Variants in RYR2 observed in about 807,000 individuals in gnomAD.
RYR2 encodes the protein cardiac muscle ryanodine receptor-calcium release channel.
Under a neutral mutation model 601.1 loss-of-function variants are expected in RYR2, and 227 were observed. The ratio of observed to expected loss-of-function variants is 0.38; its 90% CI spans 0.34 to 0.42. RYR2 has a LOEUF of 0.42. Among genes scored for constraint, RYR2 ranks in the 10% least tolerant of loss-of-function variants. The probability of loss-of-function intolerance (pLI) is 1.00; values close to 1 mark genes in which losing one functional copy is unlikely to be tolerated. For missense variants in RYR2, 4,646 were observed against 6,156.5 expected, an observed-to-expected ratio of 0.75 and a Z score of 8.21; for synonymous variants, 2,223 against 2,175.1, an observed-to-expected ratio of 1.02 and a Z score of -0.61.
chr1:237,500,532 C>T (rs1267364261), intron 20 of RYR2, among the ~76,000 whole-genome samples, 179 bp from the exon 21 acceptor site: 1 of 152,134 alleles, frequency 6.6e-6, no homozygotes, highest in East Asian at 1.9e-4. Flanking sequence ...CTGAAATAAT[C>T]TTTTTATTTT....
chr1:237,614,691 G>A lies in RYR2; in HGVS notation c.5563G>A (p.Ala1855Thr). ...LIEPSVFKEA[A>T]TPEEESDTLE... is the part of the protein sequence containing the mutation. ...TGAGCCCAGTGTGTTTAAAGAAGCT[G>A]CCACTCCGGAGGAGGAGAGTGACAC... The change falls in exon 37 of 105, where the codon GCC (alanine) becomes ACC (threonine). Residue 1855 changes from alanine (A) to threonine (T), a missense_variant. By Grantham distance (58) the Ala-to-Thr change is moderately conservative. Coordinates refer to ENST00000366574, the MANE Select transcript of RYR2 (RefSeq NM_001035.3). This position sits in a 1 kb window ranked among gnomAD's most constrained non-coding sequence, Gnocchi z 4.3. 1 of 1,614,024 alleles carries A rather than the reference G, an allele frequency of 6.2e-7. No homozygotes were observed. The highest frequency in any genetic ancestry group is 8.5e-7 in the Non-Finnish European group (1 of 1,179,898).
At chr1:237,314,339 C>T (rs1291043617) in intron 2 of RYR2, among the ~76,000 whole-genome samples, 1 of 152,170 alleles carries the variant, frequency 6.6e-6, no homozygotes, top group African/African-American at 2.4e-5. Context: ...GCTGGGATTA[C>T]AGGCGTGAGC....
chr1:237,741,716 C>A (rs991081802), intron 79 of RYR2, among the ~76,000 whole-genome samples: 2 of 152,132 alleles, frequency 1.3e-5, no homozygotes. Context: ...ATTCTCCTGC[C>A]TCAGCCTCCC....
In RYR2 at chr1:237,283,358, A is replaced by G. The variant is rs375798695; in HGVS notation, c.168+12742A>G. On this transcript the variant is annotated intron_variant, in intron 2 of 104. Transcript: ENST00000366574. ...CTCCCTCCCACGCTCCTCTCTTTCA[A>G]GCAAAATTAATTCCTCCTTTGACTG... Among the ~76,000 whole-genome samples the G allele has an allele frequency of 2.3e-4, 35 of 151,994 alleles. No individual in the cohort carries two copies. In the East Asian group the frequency reaches 5.2e-3, roughly 23 times the overall value.
chr1:237,092,709 TAGTTG>T (rs1667107649), intron 1 of RYR2, among the ~76,000 whole-genome samples: 1 of 152,174 alleles, frequency 6.6e-6, no homozygotes, highest in East Asian at 1.9e-4. Context: ...TTTGTATTTT[TAGTTG>T]AGATGGGAGT....
At chr1:237,460,976 A>G (rs997628547) in intron 16 of RYR2, among the ~76,000 whole-genome samples, 2 of 152,062 alleles carry the variant, frequency 1.3e-5, no homozygotes, top group Non-Finnish European at 2.9e-5. Flanking sequence ...CTCTTGCTTC[A>G]TTCTTATTAT....
chr1:237,407,482 T>C (rs189687106), intron 10 of RYR2, among the ~76,000 whole-genome samples: 160 of 152,320 alleles, frequency 1.1e-3, no homozygotes, highest in African/African-American at 3.6e-3. Flanking sequence ...TTGTAACATA[T>C]GAATAGTGAT....
chr1:237,200,347 C>T (rs983513578), intron 1 of RYR2, among the ~76,000 whole-genome samples: 1 of 152,006 alleles, frequency 6.6e-6, no homozygotes, highest in Non-Finnish European at 1.5e-5. Flanking sequence ...TCACTGCAGC[C>T]TCCGCCTCCC....
chr1:237,729,776 A>T (rs916394345), intron 76 of RYR2, among the ~76,000 whole-genome samples: 1 of 152,098 alleles, frequency 6.6e-6, no homozygotes, highest in African/African-American at 2.4e-5. Context: ...TTCACTTAAT[A>T]CCTTTTGTTT....
intron 29 of RYR2, among the ~76,000 whole-genome samples, chr1:237,575,286 G>C (rs1673116945): frequency 2.0e-5 from 3 of 152,190 alleles, no homozygotes; most frequent in African/African-American, 7.2e-5. Context: ...TAATCAAGCT[G>C]TGATACTCCT....
At chr1:237,331,357 ACTATG>A (rs1189287493) in intron 3 of RYR2, among the ~76,000 whole-genome samples, 4 of 152,106 alleles carry the variant, frequency 2.6e-5, no homozygotes, top group African/African-American at 9.7e-5. Context: ...AATGTCTGTC[ACTATG>A]TGACTATGTT....
chr1:237,730,197 ACTC>A (rs1283699691), intron 76 of RYR2, 60 bp from the exon 77 acceptor site: 4 of 875,718 alleles, frequency 4.6e-6, no homozygotes, highest in Non-Finnish European at 7.8e-6. Context: ...ATAAAGCACT[ACTC>A]AATACAATTT....
At chr1:237,213,915 C>CTTTTTTTTTTTTTTTTTT (rs71180008) in intron 1 of RYR2, among the ~76,000 whole-genome samples, 31 of 65,490 alleles carry the variant, frequency 4.7e-4, no homozygotes, top group African/African-American at 7.4e-4. Context: ...TTTTCTTTTT[C>CTTTTTTTTTTTTTTTTTT]TTTTTTTTTT....
chr1:237,727,078 C>G lies in RYR2; in HGVS notation c.10726-9C>G, dbSNP rs1425085330. On this transcript the variant is annotated splice_polypyrimidine_tract_variant and intron_variant, in intron 75 of 104. Transcript: ENST00000366574. ...GGTGTAAATATTTATTTGTGTCATT[C>G]TACCTCAGGTGGAACATCCTCAGAG... 1 of 1,342,288 alleles carries G rather than the reference C, an allele frequency of 7.4e-7. No homozygotes were observed. Among genetic ancestry groups the G allele is most frequent in the Non-Finnish European group, 1.1e-6 (1 of 932,276 alleles). 83.1% of individuals were successfully genotyped at this position (1,342,288 alleles called of 1,614,324 possible). A position where few individuals can be genotyped will look rare whatever the true frequency, so the allele number is the denominator to read the frequency against.
At chr1:237,311,461 G>A (rs1215499570) in intron 2 of RYR2, among the ~76,000 whole-genome samples, 1 of 151,452 alleles carries the variant, frequency 6.6e-6, no homozygotes, top group Non-Finnish European at 1.5e-5. Context: ...GATATGACAT[G>A]CAATGACCTG....
intron 83 of RYR2, 97 bp from the exon 84 acceptor site, chr1:237,760,858 A>G: frequency 2.7e-6 from 2 of 754,418 alleles, no homozygotes; most frequent in South Asian, 3.3e-5. Context: ...CATTTGCTTC[A>G]TCTTCCAAGA....
chr1:237,061,257 T>G (rs1662816647), intron 1 of RYR2, among the ~76,000 whole-genome samples: 1 of 138,384 alleles, frequency 7.2e-6, no homozygotes, highest in African/African-American at 2.7e-5. Flanking sequence ...ATCTATCATC[T>G]ATCTATCTAT....
chr1:237,674,850 G>A lies in RYR2; in HGVS notation c.8830+4G>A, dbSNP rs772907062. On this transcript the variant is annotated splice_donor_region_variant and intron_variant, in intron 60 of 104. Transcript: ENST00000366574. The stretch of plus-strand genomic sequence containing the variant: ...CATCAGTATATCCTGGAGTTTGGTA[G>A]GTACCATAGTCCCATTGCTAATAGC... 7.8e-6 allele frequency: 12 copies of A among 1,529,374 alleles called. No individual in the cohort carries two copies. The Admixed American group carries it at 2.0e-4, about 26-fold the overall frequency. 94.7% of individuals were successfully genotyped at this position (1,529,374 alleles called of 1,614,324 possible).
chr1:237,332,460 A>G (rs939968644), intron 3 of RYR2, among the ~76,000 whole-genome samples: 3 of 152,154 alleles, frequency 2.0e-5, no homozygotes, highest in Non-Finnish European at 2.9e-5. Context: ...AAAAATTTCT[A>G]TTCTTTCATG....
Sources: gnomAD v4.1 joint callset for allele counts (sites outside exome capture counted in the v4.1 genomes callset) on GRCh38, gnomAD v4.1.1 for gene constraint, Gnocchi (gnomAD v3.1) non-coding constraint, MANE v1.5 for transcripts, NCBI Gene and HGNC (gene_info 2026-07-23, HGNC 2026-07-21) for gene names.